CTTNBP2: variants seen among roughly 807,000 people sequenced by gnomAD.
The protein encoded by CTTNBP2 is cortactin-binding protein 2.
CTTNBP2 carries 108 observed loss-of-function variants against 156.9 expected under a neutral mutation model. The ratio of observed to expected loss-of-function variants is 0.69; its 90% CI spans 0.59 to 0.81. The LOEUF is 0.81. Ranked by LOEUF, CTTNBP2 falls within the 30% of genes least tolerant of loss-of-function variation. CTTNBP2 has a pLI of 0.00. For synonymous variants in CTTNBP2, 767 were observed against 751.8 expected, an observed-to-expected ratio of 1.02 and a Z score of -0.33; for missense variants, 1,924 against 2,035.4, an observed-to-expected ratio of 0.95 and a Z score of 1.05.
intron 2 of CTTNBP2, among the ~76,000 whole-genome samples, chr7:117,826,951 T>G (rs1189221274): frequency 6.6e-6 from 1 of 151,696 alleles, no homozygotes; most frequent in Non-Finnish European, 1.5e-5. Flanking sequence ...AACCTCCATC[T>G]CCCAGGTTCA....
chr7:117,855,543 G>C (rs11762269), intron 2 of CTTNBP2, among the ~76,000 whole-genome samples: 2,012 of 152,302 alleles, frequency 0.013, 19 homozygotes, highest in Non-Finnish European at 0.022. Flanking sequence ...CCAAAGAGTT[G>C]CTACTGGCAT....
rs1424805939 is a variant in CTTNBP2, at chr7:117,791,256, T to C, written c.1940A>G (p.Asn647Ser). 3.1e-6 allele frequency: 5 copies of C among 1,613,994 alleles called. No individual in the cohort carries two copies. In the African/African-American group the frequency reaches 6.7e-5, roughly 22 times the overall value. The change falls in exon 4 of 23, where the codon AAC becomes AGC. Residue 647 changes from asparagine (N) to serine (S), a missense_variant. By Grantham distance (46) the Asn-to-Ser change is conservative. Coordinates refer to ENST00000160373, the MANE Select transcript of CTTNBP2 (RefSeq NM_033427.3). The part of the protein sequence containing the change: ...GAWPAATPGL[N>S]QPACSDSSLV... ...GGAACTGTCTGAACATGCAGGTTGGTTCAGTCCGGGGGTTGCAGCAGGCCA... is the reference window on the plus strand; with the variant it reads ...GGAACTGTCTGAACATGCAGGTTGGCTCAGTCCGGGGGTTGCAGCAGGCCA...
rs757495148 is a variant in CTTNBP2, at chr7:117,784,340, A to G, written c.2183T>C (p.Met728Thr). 6.2e-7 allele frequency: 1 copy of G among 1,613,552 alleles called. No homozygotes were observed. Among genetic ancestry groups the G allele is most frequent in the Admixed American group, 1.7e-5 (1 of 59,894 alleles). Reference sequence around the variant, plus strand: ...GTCCAGTCCTTCTTCATTAAGCAGCATTGATAATAAAGTGACATTTCCCTG... The same window carrying G: ...GTCCAGTCCTTCTTCATTAAGCAGCGTTGATAATAAAGTGACATTTCCCTG... Reference protein sequence around the residue: ...AAQGNVTLLSMLLNEEGLDIN... With the variant: ...AAQGNVTLLSTLLNEEGLDIN... Residue 728 changes from methionine (M) to threonine (T), a missense_variant, in exon 5 of 23, where the codon ATG (methionine) becomes ACG (threonine). Coordinates refer to ENST00000160373, the MANE Select transcript of CTTNBP2 (RefSeq NM_033427.3).
In CTTNBP2 at chr7:117,792,294, A is replaced by G. The variant is rs1280332447; in HGVS notation, c.902T>C (p.Val301Ala). Residue 301 changes from valine to alanine, a missense_variant, in exon 4 of 23, where the codon GTG becomes GCG. By Grantham distance (64) the Val-to-Ala change is moderately conservative (BLOSUM62 0). Coordinates refer to ENST00000160373, the MANE Select transcript of CTTNBP2 (RefSeq NM_033427.3). The surrounding 1 kb of genome is among the most constrained non-coding windows in gnomAD (Gnocchi z 4.2). Reference sequence around the variant, plus strand: ...TGTCTGGCATGCAACAGACCTTGTCACAGTTCCTTCTGTTCCCACAGATAT... The same window carrying G: ...TGTCTGGCATGCAACAGACCTTGTCGCAGTTCCTTCTGTTCCCACAGATAT... ...VSISVGTEGT[V>A]TRSVACQTDL... 6.2e-6 allele frequency: 10 copies of G among 1,614,090 alleles called. No homozygotes were observed. Among genetic ancestry groups the G allele is most frequent in the Non-Finnish European group, 8.5e-6 (10 of 1,180,038 alleles).
intron 8 of CTTNBP2, among the ~76,000 whole-genome samples, chr7:117,767,459 C>G (rs1217120823): frequency 1.3e-5 from 2 of 152,210 alleles, no homozygotes; most frequent in East Asian, 1.9e-4. Flanking sequence ...GTTAATCACT[C>G]AGTCTGCAGA....
chr7:117,828,993 T>C (rs1207669253), intron 2 of CTTNBP2, among the ~76,000 whole-genome samples: 5 of 152,254 alleles, frequency 3.3e-5, no homozygotes, highest in South Asian at 2.1e-4. Flanking sequence ...GATTTATGAC[T>C]GGCTGTGGTC....
At position 117,817,363 on chromosome 7, in the gene CTTNBP2, T is replaced by TAA. The variant is rs1563037772; in HGVS notation, c.190-6375_190-6374insTT. Among the ~76,000 whole-genome samples the TAA allele has an allele frequency of 9.3e-5, 4 of 42,814 alleles. 1 individual carries two copies. The highest frequency in any genetic ancestry group is 1.1e-3 in the South Asian group (1 of 948). The allele number at this position is 42,814 out of a possible 152,430, so 28.1% of individuals were successfully genotyped here. ...AAAAAAAAAAAAAAAAAAAAAAAAA[T>TAA]ATATATATATATATATATATATATA... On this transcript the variant is annotated intron_variant, in intron 2 of 22. Transcript: ENST00000160373.
intron 22 of CTTNBP2, among the ~76,000 whole-genome samples, chr7:117,717,455 C>T (rs555948682): frequency 6.6e-5 from 10 of 151,806 alleles, no homozygotes; most frequent in Non-Finnish European, 1.3e-4. Context: ...CCTTAGTACC[C>T]CCGCATCCAC....
intron 2 of CTTNBP2, among the ~76,000 whole-genome samples, chr7:117,858,903 T>G (rs1803513529): frequency 6.6e-6 from 1 of 152,166 alleles, no homozygotes. Context: ...ACCACAAATC[T>G]GCTGACTCAG....
chr7:117,810,921 T>A lies in CTTNBP2; in HGVS notation c.258A>T (p.Ala86=). The change falls in exon 3 of 23, where the codon GCA becomes GCT. Residue 86 remains alanine, a synonymous_variant. Transcript: ENST00000160373. ...GRFNLNDPFL[A]LQRDYEAGAG... is the part of the protein sequence containing the mutation. ...CACCTGCTTCATAGTCTCTCTGGAG[T>A]GCCAGGAACGGGTCATTTAGATTAA... is the stretch of plus-strand genomic sequence containing the variant. The A allele has an allele frequency of 6.2e-7, 1 of 1,614,068 alleles. No individual in the cohort carries two copies. Among genetic ancestry groups the A allele is most frequent in the Admixed American group, 1.7e-5 (1 of 59,992 alleles).
intron 20 of CTTNBP2, among the ~76,000 whole-genome samples, chr7:117,720,594 T>C (rs902298788): frequency 7.9e-5 from 12 of 152,164 alleles, no homozygotes; most frequent in Non-Finnish European, 1.6e-4. Flanking sequence ...CACAAGAGGC[T>C]GAGGCAGGAG....
chr7:117,765,617 C>T (rs1045721728), intron 9 of CTTNBP2, among the ~76,000 whole-genome samples: 4 of 152,172 alleles, frequency 2.6e-5, no homozygotes, highest in African/African-American at 9.7e-5. Flanking sequence ...CCATATCAGT[C>T]TTTATTTCAT....
chr7:117,765,611 A>G (rs1408839688), intron 9 of CTTNBP2, among the ~76,000 whole-genome samples: 1 of 152,190 alleles, frequency 6.6e-6, no homozygotes, highest in African/African-American at 2.4e-5. Context: ...GGTCTCCCAT[A>G]TCAGTCTTTA....
intron 10 of CTTNBP2, 125 bp downstream of exon 10, chr7:117,760,310 C>T: frequency 1.1e-6 from 1 of 910,766 alleles, no homozygotes. Context: ...TTTTTCAGCA[C>T]CGGCAGCTGC....
At chr7:117,735,448 T>C (rs1189407103) in intron 14 of CTTNBP2, 27 bp from the exon 15 acceptor site, 1 of 1,574,704 alleles carries the variant, frequency 6.4e-7, no homozygotes, top group Middle Eastern at 2.1e-4. Context: ...AATTCAGTGA[T>C]TCAAGCTTTT....
intron 1 of CTTNBP2, among the ~76,000 whole-genome samples, chr7:117,865,419 G>A (rs572332172): frequency 6.6e-6 from 1 of 151,924 alleles, no homozygotes; most frequent in Non-Finnish European, 1.5e-5. Context: ...CTAGCACTTT[G>A]GGAGGCCAAG....
chr7:117,790,437 G>T (rs1038574550), intron 4 of CTTNBP2, among the ~76,000 whole-genome samples: 16 of 152,120 alleles, frequency 1.1e-4, no homozygotes, highest in African/African-American at 3.9e-4. Context: ...GACTTCATAA[G>T]CCACACCTGC....
intron 2 of CTTNBP2, among the ~76,000 whole-genome samples, chr7:117,814,557 AGCTGAGACTATAG>A (rs1800469767): frequency 6.6e-6 from 1 of 152,122 alleles, no homozygotes; most frequent in South Asian, 2.1e-4. Flanking sequence ...CTTCCCGAGT[AGCTGAGACTATAG>A]GCACGTGCCA....
intron 14 of CTTNBP2, among the ~76,000 whole-genome samples, chr7:117,739,697 T>C (rs964062069): frequency 6.6e-6 from 1 of 152,206 alleles, no homozygotes; most frequent in Non-Finnish European, 1.5e-5. Flanking sequence ...ATCTCCCCTT[T>C]CAGGACAGAA....
Sources: gnomAD v4.1 joint callset for allele counts (sites outside exome capture counted in the v4.1 genomes callset) on GRCh38, gnomAD v4.1.1 for gene constraint, Gnocchi (gnomAD v3.1) non-coding constraint, MANE v1.5 for transcripts, NCBI Gene and HGNC (gene_info 2026-07-23, HGNC 2026-07-21) for gene names.